Variants in ZNF248 observed in about 807,000 individuals in gnomAD.
The protein encoded by ZNF248 is zinc finger protein 248.
Under a neutral mutation model 44.3 loss-of-function variants are expected in ZNF248, and 20 were observed. That is an observed-to-expected ratio of 0.45 (90% CI 0.32 to 0.66). ZNF248 has a LOEUF of 0.66. Ranked by LOEUF, ZNF248 falls within the 30% of genes least tolerant of loss-of-function variation. The probability of loss-of-function intolerance (pLI) is 0.04; values close to 1 mark genes in which losing one functional copy is unlikely to be tolerated. For synonymous variants in ZNF248, 224 were observed against 229.0 expected, an observed-to-expected ratio of 0.98 and a Z score of 0.20; for missense variants, 654 against 677.0, an observed-to-expected ratio of 0.97 and a Z score of 0.38.
rs138604437 is a variant in ZNF248, at chr10:37,838,741, TG to T, written c.16-631del. Among the ~76,000 whole-genome samples the T allele has an allele frequency of 6.2e-3, 904 of 145,954 alleles. 6 individuals are homozygous for T. The highest frequency in any genetic ancestry group is 0.022 in the African/African-American group (857 of 39,694). On this transcript the variant is annotated intron_variant, in intron 3 of 5. Coordinates refer to ENST00000395867, the MANE Select transcript of ZNF248 (RefSeq NM_021045.3). ...ATGGTATGTGAAGAGATAGGGACAA[TG>T]AAAAAAAAGAAAAAAAAAGCAAACT...
At chr10:37,849,299 T>C (rs1383742679) in intron 3 of ZNF248, among the ~76,000 whole-genome samples, 2 of 151,528 alleles carry the variant, frequency 1.3e-5, no homozygotes, top group African/African-American at 2.4e-5. Context: ...AGTGAGATCC[T>C]GTCTTTAAAG....
chr10:37,800,808 G>A (rs912190983), intron 6 of ZNF248, among the ~76,000 whole-genome samples: 4 of 151,204 alleles, frequency 2.6e-5, no homozygotes, highest in African/African-American at 9.7e-5. Context: ...GTCACCCAAG[G>A]TGGAGTGCAG....
At chr10:37,774,065 C>A (rs1333170792), downstream of ZNF248, among the ~76,000 whole-genome samples, 1 of 152,072 alleles carries the variant, frequency 6.6e-6, no homozygotes, top group Non-Finnish European at 1.5e-5. Context: ...GTGATTGACA[C>A]AGGGCTTAGG....
At chr10:37,776,440 T>G (rs1034825733), downstream of ZNF248, 1 of 395,404 alleles carries the variant, frequency 2.5e-6, no homozygotes, top group Non-Finnish European at 4.5e-6. Context: ...TTTCTGGCAG[T>G]TTCCTGACTT....
intron 6 of ZNF248, among the ~76,000 whole-genome samples, chr10:37,809,490 C>A (rs1335254600): frequency 1.3e-5 from 2 of 152,098 alleles, no homozygotes; most frequent in African/African-American, 4.8e-5. Context: ...TTTGGCCAGG[C>A]TGGTCTTGAA....
intron 5 of ZNF248, among the ~76,000 whole-genome samples, chr10:37,833,370 TGAAAA>T (rs766776274): frequency 3.9e-4 from 59 of 152,038 alleles, no homozygotes; most frequent in Admixed American, 7.9e-4. Context: ...CCTTCAAAAC[TGAAAA>T]GAAAAGGTGA....
In ZNF248 at chr10:37,837,988, C is replaced by T. The variant is rs1339062452; in HGVS notation, c.139G>A (p.Val47Ile). ...ILENYSNLVSVGYCITKPEVI... is the reference protein window; with the variant it reads ...ILENYSNLVSIGYCITKPEVI... ...TGTGCGGAAAAAAACTCCTTACCTA[C>T]TGAGACAAGATTGCTATAATTTTCC... The change falls in exon 4 of 6, where the codon GTA becomes ATA. Residue 47 changes from valine (V) to isoleucine (I), a missense_variant. Physicochemically the swap from Val to Ile is conservative, Grantham distance 29. Coordinates refer to ENST00000395867, the MANE Select transcript of ZNF248 (RefSeq NM_021045.3). 3 of 1,613,060 alleles carry T rather than the reference C, an allele frequency of 1.9e-6. No homozygotes were observed. The highest frequency in any genetic ancestry group is 2.7e-5 in the African/African-American group (2 of 74,916).
chr10:37,766,276 G>A, the ZNF248 span, among the ~76,000 whole-genome samples: 22 of 152,272 alleles, frequency 1.4e-4, no homozygotes, highest in Non-Finnish European at 2.1e-4. Flanking sequence ...CTCCCAGCAC[G>A]CAACTGGAGA....
intron 6 of ZNF248, among the ~76,000 whole-genome samples, chr10:37,799,520 C>T (rs1352731701): frequency 6.6e-6 from 1 of 152,150 alleles, no homozygotes; most frequent in Admixed American, 6.5e-5. Flanking sequence ...GATCGCGCCA[C>T]TGCACTCCAG....
downstream of ZNF248, chr10:37,828,711 C>T (rs2054820755): frequency 2.0e-6 from 2 of 985,262 alleles, no homozygotes; most frequent in Non-Finnish European, 1.2e-6. Context: ...TATTTAAGTA[C>T]ATAATAAAAA....
In ZNF248 at chr10:37,832,791, C is replaced by A; in HGVS notation, c.564G>T (p.Lys188Asn). Residue 188 changes from lysine to asparagine, a missense_variant, in exon 6 of 6, where the codon AAG becomes AAT. Coordinates refer to ENST00000395867, the MANE Select transcript of ZNF248 (RefSeq NM_021045.3). ...TCCTTTTTTGATCATATTTATAAGA[C>A]TTCTCTCCAATAGGGATTTTCTCAT... is the stretch of plus-strand genomic sequence containing the variant. ...IRHEKIPIGEKSYKYDQKRNA... is the reference protein window; with the variant it reads ...IRHEKIPIGENSYKYDQKRNA... The A allele has an allele frequency of 6.2e-7, 1 of 1,613,790 alleles. No individual in the cohort carries two copies. The highest frequency in any genetic ancestry group is 8.5e-7 in the Non-Finnish European group (1 of 1,179,862).
intron 3 of ZNF248, among the ~76,000 whole-genome samples, chr10:37,843,882 T>A (rs200935): frequency 0.47 from 71,810 of 151,474 alleles, 17,325 homozygotes; most frequent in East Asian, 0.55. Context: ...CAGAAAAAAA[T>A]ATATAAAGAA....
At position 37,831,721 on chromosome 10, in the gene ZNF248, TC is replaced by T; in HGVS notation, c.1633del (p.Glu545ArgfsTer29). On this transcript the variant is annotated frameshift_variant, in exon 6 of 6. Coordinates refer to ENST00000395867, the MANE Select transcript of ZNF248 (RefSeq NM_021045.3). LOFTEE classifies it high-confidence loss of function. ...ACATGCATTACACTCATACGGCTTC[TC>T]CCCTGTGTGAGTCCTCTGATGTTTA... Reference protein sequence around the residue: ...LTKHQRTHTGEKPYECNACGK... With the variant: ...LTKHQRTHTGXKPYECNACGK... 4 of 1,613,200 alleles carry T rather than the reference TC, an allele frequency of 2.5e-6. No individual in the cohort carries two copies. Among genetic ancestry groups the T allele is most frequent in the Non-Finnish European group, 3.4e-6 (4 of 1,179,232 alleles).
In ZNF248 at chr10:37,832,369, A is replaced by C; in HGVS notation, c.986T>G (p.Val329Gly). 1.2e-6 allele frequency: 2 copies of C among 1,614,054 alleles called. No homozygotes were observed. The highest frequency in any genetic ancestry group is 1.7e-6 in the Non-Finnish European group (2 of 1,179,952). Residue 329 changes from valine to glycine, a missense_variant, in exon 6 of 6, where the codon GTG (valine) becomes GGG (glycine). Coordinates refer to ENST00000395867, the MANE Select transcript of ZNF248 (RefSeq NM_021045.3). ...TGACTTTTCCCAGGTTTTGTCACTC[A>C]CTTTATATTCACGGAGAATCTTTCT... ...YTRKILREYK[V>G]SDKTWEKSAL...
chr10:37,808,700 T>C (rs1282414146), intron 6 of ZNF248, among the ~76,000 whole-genome samples: 1 of 152,164 alleles, frequency 6.6e-6, no homozygotes, highest in East Asian at 1.9e-4. Flanking sequence ...TGTAGTATCT[T>C]TGTATGGCTG....
chr10:37,855,133 G>A (rs1394129086), intron 3 of ZNF248, among the ~76,000 whole-genome samples: 1 of 152,080 alleles, frequency 6.6e-6, no homozygotes, highest in African/African-American at 2.4e-5. Context: ...AGAAACACTG[G>A]CAAAGTAAAC....
intron 6 of ZNF248, among the ~76,000 whole-genome samples, chr10:37,781,102 A>C (rs1166036193): frequency 6.6e-6 from 1 of 152,064 alleles, no homozygotes; most frequent in Non-Finnish European, 1.5e-5. Flanking sequence ...AGAACCCTAG[A>C]ATGTGATTTT....
chr10:37,848,612 G>T (rs1159476559), intron 3 of ZNF248, among the ~76,000 whole-genome samples: 1 of 151,976 alleles, frequency 6.6e-6, no homozygotes, highest in Non-Finnish European at 1.5e-5. Context: ...AATACTCCTG[G>T]GAAGGAGCCC....
the ZNF248 span, among the ~76,000 whole-genome samples, chr10:37,764,875 C>A: frequency 1.3e-5 from 2 of 151,978 alleles, no homozygotes; most frequent in East Asian, 3.9e-4. Flanking sequence ...CTAATTCATG[C>A]ATAAGACATG....
Sources: gnomAD v4.1 joint callset for allele counts (sites outside exome capture counted in the v4.1 genomes callset) on GRCh38, gnomAD v4.1.1 for gene constraint, MANE v1.5 for transcripts, NCBI Gene and HGNC (gene_info 2026-07-23, HGNC 2026-07-21) for gene names.